Variants in MGAT4C observed in about 807,000 individuals in gnomAD.
The protein encoded by MGAT4C is alpha-1,3-mannosyl-glycoprotein 4-beta-N-acetylglucosaminyltransferase C.
In MGAT4C, 19 loss-of-function variants were observed where a neutral mutation model predicts 40.1. The ratio of observed to expected loss-of-function variants is 0.47; its 90% confidence interval spans 0.33 to 0.70. The LOEUF (loss-of-function observed/expected upper bound fraction) is 0.70, where lower values mean the gene tolerates loss of function less well. Ranked by LOEUF, MGAT4C falls within the 30% of genes least tolerant of loss-of-function variation. MGAT4C has a pLI of 0.02. For synonymous variants in MGAT4C, 181 were observed against 187.1 expected (o/e 0.97, Z 0.27); for missense variants, 491 against 563.2 (o/e 0.87, Z 1.30).
chr12:86,774,396 CCT>C (rs148122088), intron 1 of MGAT4C, among the ~76,000 whole-genome samples: 14,042 of 92,206 alleles, frequency 0.15, 3,017 homozygotes, highest in Middle Eastern at 0.26. Flanking sequence ...CTCTCTCTCT[CCT>C]CTCTCTCTCT....
At chr12:86,738,611 C>T (rs1951019787) in intron 1 of MGAT4C, among the ~76,000 whole-genome samples, 2 of 151,270 alleles carry the variant, frequency 1.3e-5, no homozygotes, top group Non-Finnish European at 1.5e-5. Flanking sequence ...ATTCATCCAA[C>T]TCATACGAGG....
At chr12:86,209,682 G>A (rs1950384918) in intron 1 of MGAT4C, among the ~76,000 whole-genome samples, 1 of 152,096 alleles carries the variant, frequency 6.6e-6, no homozygotes, top group Non-Finnish European at 1.5e-5. Flanking sequence ...GGGGACAGAA[G>A]ATTCAAAGGC....
chr12:86,409,791 C>T (rs1447269030), intron 3 of MGAT4C, among the ~76,000 whole-genome samples: 2 of 152,090 alleles, frequency 1.3e-5, no homozygotes, highest in South Asian at 2.1e-4. Flanking sequence ...ATTGAGTTAT[C>T]ACACAGCCTG....
At chr12:86,036,439 T>C (rs1891245758) in intron 2 of MGAT4C, among the ~76,000 whole-genome samples, 1 of 149,190 alleles carries the variant, frequency 6.7e-6, no homozygotes, top group South Asian at 2.1e-4. Context: ...CAGTATGATA[T>C]TAGCTGAATC....
chr12:86,263,847 G>T (rs1484635664), intron 4 of MGAT4C, among the ~76,000 whole-genome samples: 3 of 152,204 alleles, frequency 2.0e-5, no homozygotes, highest in Admixed American at 2.0e-4. Context: ...GGTATTTTTT[G>T]TCTTTCTAAT....
At chr12:86,272,012 A>G (rs1592628027) in intron 4 of MGAT4C, among the ~76,000 whole-genome samples, 1 of 152,214 alleles carries the variant, frequency 6.6e-6, no homozygotes, top group African/African-American at 2.4e-5. Flanking sequence ...AGGGAAGGGA[A>G]GAGGATGAAG....
intron 1 of MGAT4C, among the ~76,000 whole-genome samples, chr12:86,737,177 T>C (rs888724928): frequency 6.6e-6 from 1 of 151,502 alleles, no homozygotes; most frequent in East Asian, 1.9e-4. Context: ...TTCTTTTGGG[T>C]CAACTATCAT....
intron 4 of MGAT4C, among the ~76,000 whole-genome samples, chr12:86,275,119 T>C (rs924785628): frequency 5.9e-5 from 9 of 152,172 alleles, no homozygotes; most frequent in Non-Finnish European, 1.2e-4. Context: ...ATTGACACAA[T>C]ATATACCATT....
intron 4 of MGAT4C, among the ~76,000 whole-genome samples, chr12:86,285,840 A>G (rs535742003): frequency 6.6e-6 from 1 of 152,056 alleles, no homozygotes; most frequent in South Asian, 2.1e-4. Context: ...ATTATAATGA[A>G]ATATTATGCA....
At chr12:86,229,500 G>T (rs1566183184) in intron 1 of MGAT4C, among the ~76,000 whole-genome samples, 1 of 151,980 alleles carries the variant, frequency 6.6e-6, no homozygotes, top group Non-Finnish European at 1.5e-5. Flanking sequence ...GAAGAATATT[G>T]TGTGTGCATG....
intron 1 of MGAT4C, among the ~76,000 whole-genome samples, chr12:86,070,098 T>G (rs1894937606): frequency 6.6e-6 from 1 of 151,850 alleles, no homozygotes. Flanking sequence ...GATTTTTTTT[T>G]TTTTTGGAAA....
intron 2 of MGAT4C, among the ~76,000 whole-genome samples, chr12:86,452,766 T>C (rs1480288795): frequency 6.6e-6 from 1 of 152,162 alleles, no homozygotes; most frequent in Non-Finnish European, 1.5e-5. Flanking sequence ...TACTGCTTAG[T>C]AACTTTGACT....
chr12:86,652,140 T>C (rs1344769611), intron 2 of MGAT4C, among the ~76,000 whole-genome samples: 1 of 151,908 alleles, frequency 6.6e-6, no homozygotes, highest in African/African-American at 2.4e-5. Flanking sequence ...TCCAGAACAT[T>C]ATCTTTCAAA....
intron 2 of MGAT4C, among the ~76,000 whole-genome samples, chr12:86,698,496 AG>A (rs780647924): frequency 2.6e-5 from 4 of 152,220 alleles, no homozygotes; most frequent in Admixed American, 6.5e-5. Context: ...CTAATGTTGG[AG>A]GGCAGGCAAT....
At chr12:86,687,969 C>T (rs2406252) in intron 2 of MGAT4C, among the ~76,000 whole-genome samples, 81 of 152,006 alleles carry the variant, frequency 5.3e-4, no homozygotes, top group African/African-American at 1.8e-3. Flanking sequence ...TGGGAGTTTA[C>T]GTCTGTTTGC....
chr12:86,361,382 T>C (rs1465324086), intron 3 of MGAT4C, among the ~76,000 whole-genome samples: 3 of 151,776 alleles, frequency 2.0e-5, no homozygotes, highest in African/African-American at 4.8e-5. Context: ...CCATAAAAAC[T>C]CTAGAAGAAA....
At chr12:86,699,520 T>C (rs1950317890) in intron 2 of MGAT4C, among the ~76,000 whole-genome samples, 1 of 152,206 alleles carries the variant, frequency 6.6e-6, no homozygotes, top group South Asian at 2.1e-4. Context: ...AGATTGTGTG[T>C]GTTTGTGTGT....
intron 2 of MGAT4C, among the ~76,000 whole-genome samples, chr12:86,704,698 G>A (rs1345023422): frequency 2.0e-5 from 3 of 152,030 alleles, no homozygotes; most frequent in East Asian, 1.9e-4. Context: ...CAGTAAACAT[G>A]ATTGGCAACA....
intron 1 of MGAT4C, among the ~76,000 whole-genome samples, chr12:86,742,120 T>A (rs1951078246): frequency 6.6e-6 from 1 of 151,396 alleles, no homozygotes; most frequent in Non-Finnish European, 1.5e-5. Context: ...GGGTTTAGGG[T>A]TATCAGAGAT....
Sources: gnomAD v4.1 joint callset for allele counts (sites outside exome capture counted in the v4.1 genomes callset) on GRCh38, gnomAD v4.1.1 for gene constraint, MANE v1.5 for transcripts, NCBI Gene and HGNC (gene_info 2026-07-23, HGNC 2026-07-21) for gene names.